Variants in NLRP4 observed in about 807,000 individuals in gnomAD.
NLRP4 encodes NACHT, LRR and PYD domains-containing protein 4.
Under a neutral mutation model 84.7 loss-of-function variants are expected in NLRP4, and 44 were observed. The observed-to-expected ratio is 0.52, with a 90% CI of 0.41 to 0.67. The LOEUF (loss-of-function observed/expected upper bound fraction) is 0.67. Ranked by LOEUF, NLRP4 falls within the 30% of genes least tolerant of loss-of-function variation. The pLI is 0.00. For missense variants in NLRP4, 1,260 were observed against 1,219.4 expected (o/e 1.03, Z -0.50); for synonymous variants, 544 against 476.4 (o/e 1.14, Z -1.85).
Position 55,850,768 on chromosome 19 carries a change from T to TGTGGTGTAATTC in NLRP4, c.-65-1248_-65-1247insGTGGTGTAATTC, listed in dbSNP as rs1568659308. 2.1e-4 allele frequency among the ~76,000 whole-genome samples: 8 copies of TGTGGTGTAATTC among 37,276 alleles called. 2 individuals are homozygous for TGTGGTGTAATTC. The highest frequency in any genetic ancestry group is 5.1e-4 in the African/African-American group (2 of 3,944). 24.5% of individuals were successfully genotyped at this position (37,276 alleles called of 152,430 possible). A position where few individuals can be genotyped will look rare whatever the true frequency, so the allele number is the denominator to read the frequency against. Reference sequence around the variant, plus strand: ...TACTTCCCGAGGCTGCGGTGTAATTTCCGAGGCTGCGGTGTAATTCCCGAG... The same window carrying TGTGGTGTAATTC: ...TACTTCCCGAGGCTGCGGTGTAATTTGTGGTGTAATTCCCGAGGCTGCGGTGTAATTCCCGAG... On this transcript the variant is annotated intron_variant, in intron 1 of 9. Transcript: ENST00000301295.
chr19:55,842,053 T>C (rs1453770426), intron 1 of NLRP4, among the ~76,000 whole-genome samples: 2 of 152,238 alleles, frequency 1.3e-5, no homozygotes, highest in African/African-American at 4.8e-5. Context: ...TTCCTACCAA[T>C]GGTGTGTAAG....
intron 2 of NLRP4, among the ~76,000 whole-genome samples, chr19:55,853,507 C>T (rs555434176): frequency 1.3e-5 from 2 of 152,318 alleles, no homozygotes; most frequent in East Asian, 3.9e-4. Context: ...TCTGCCACCT[C>T]AGCCTCCCAA....
chr19:55,859,986 C>CTT (rs774606132), intron 3 of NLRP4, among the ~76,000 whole-genome samples: 9,362 of 96,412 alleles, frequency 0.097, 528 homozygotes, highest in Non-Finnish European at 0.13. Context: ...TCTTCTTGTT[C>CTT]TTTTTTTTTT....
At chr19:55,838,085 G>A (rs1038426579) in intron 1 of NLRP4, among the ~76,000 whole-genome samples, 1 of 148,270 alleles carries the variant, frequency 6.7e-6, no homozygotes. Flanking sequence ...TTGGGAGGCC[G>A]AGGCGGGTGG....
chr19:55,866,501 T>A (rs905796613), intron 5 of NLRP4, among the ~76,000 whole-genome samples: 1 of 152,282 alleles, frequency 6.6e-6, no homozygotes, highest in African/African-American at 2.4e-5. Flanking sequence ...TCTGAGCTTA[T>A]TTTTTGTGGC....
At chr19:55,871,477 G>T (rs553799709) in intron 7 of NLRP4, among the ~76,000 whole-genome samples, 1 of 152,324 alleles carries the variant, frequency 6.6e-6, no homozygotes, top group East Asian at 1.9e-4. Flanking sequence ...AAAGGAGATG[G>T]TGAAAAGACT....
rs1984623758 is a variant in NLRP4, at chr19:55,859,320, G to T, written c.1856+71G>T. ...TATTCCCAAGTGGGTTTTGCTGAGG[G>T]AGTGTTTAATATAGGATCATGGTTA... On this transcript the variant is annotated intron_variant, in intron 3 of 9. Transcript: ENST00000301295. The T allele has an allele frequency of 6.3e-6, 8 of 1,265,502 alleles. No homozygotes were observed. In the Admixed American group the frequency reaches 8.6e-5, roughly 14 times the overall value. The allele number at this position is 1,265,502 out of a possible 1,614,324, so 78.4% of individuals were successfully genotyped here.
At chr19:55,870,312 A>C (rs1300613820) in intron 6 of NLRP4, among the ~76,000 whole-genome samples, 2 of 152,218 alleles carry the variant, frequency 1.3e-5, no homozygotes, top group Non-Finnish European at 2.9e-5. Context: ...ATTACACGAT[A>C]CTTTTTCCTT....
chr19:55,880,862 A>G (rs1985558925), intron 9 of NLRP4, among the ~76,000 whole-genome samples: 1 of 152,218 alleles, frequency 6.6e-6, no homozygotes, highest in South Asian at 2.1e-4. Context: ...CGGGACAATT[A>G]TGCTACCTCA....
chr19:55,865,572 A>G (rs559413043), intron 5 of NLRP4, among the ~76,000 whole-genome samples: 1 of 152,332 alleles, frequency 6.6e-6, no homozygotes, highest in South Asian at 2.1e-4. Context: ...ACTAATTTAC[A>G]TTCCTACAAA....
intron 5 of NLRP4, among the ~76,000 whole-genome samples, chr19:55,866,948 G>A (rs1416743707): frequency 1.3e-5 from 2 of 152,156 alleles, no homozygotes; most frequent in African/African-American, 4.8e-5. Context: ...AGTGAGATAA[G>A]TTACTGGGGG....
At chr19:55,866,041 T>C (rs377268495) in intron 5 of NLRP4, among the ~76,000 whole-genome samples, 32 of 152,224 alleles carry the variant, frequency 2.1e-4, no homozygotes, top group African/African-American at 7.0e-4. Flanking sequence ...TCTTTTTTTT[T>C]CCCCCAAATT....
chr19:55,859,935 A>AC (rs1568666162), intron 3 of NLRP4, among the ~76,000 whole-genome samples: 3 of 134,074 alleles, frequency 2.2e-5, no homozygotes, highest in African/African-American at 8.0e-5. Flanking sequence ...CCAAAAAAAA[A>AC]AAAAAAAAAA....
At chr19:55,851,734 A>ATG (rs1568660210) in intron 1 of NLRP4, among the ~76,000 whole-genome samples, 22 of 126,738 alleles carry the variant, frequency 1.7e-4, no homozygotes, top group African/African-American at 6.5e-4. Context: ...TAATTTCCGA[A>ATG]GCTGCGGTGT....
chr19:55,865,600 T>C (rs1984924644), intron 5 of NLRP4, among the ~76,000 whole-genome samples: 1 of 152,220 alleles, frequency 6.6e-6, no homozygotes, highest in African/African-American at 2.4e-5. Context: ...AAGTGTACAC[T>C]TTTCTCTGCA....
intron 1 of NLRP4, among the ~76,000 whole-genome samples, chr19:55,847,955 T>C (rs865973352): frequency 3.3e-5 from 5 of 152,114 alleles, no homozygotes; most frequent in Non-Finnish European, 5.9e-5. Flanking sequence ...GACCTCGTGA[T>C]CTGCCTGCCT....
At chr19:55,856,934 T>C (rs962126466) in intron 2 of NLRP4, among the ~76,000 whole-genome samples, 2 of 152,216 alleles carry the variant, frequency 1.3e-5, no homozygotes, top group Admixed American at 6.5e-5. Flanking sequence ...ATCTCCTCTC[T>C]CTTCTGGAGG....
rs182014117 is a variant in NLRP4, at chr19:55,853,005, G to C, written c.280+645G>C. 9.8e-5 allele frequency among the ~76,000 whole-genome samples: 15 copies of C among 152,308 alleles called. No homozygotes were observed. The East Asian group carries it at 2.9e-3, about 29-fold the overall frequency. On this transcript the variant is annotated intron_variant, in intron 2 of 9. Transcript: ENST00000301295. Reference sequence around the variant, plus strand: ...ATTTGCAAGAGCAATTAACACCTGCGGTAGAGGATACAGTGAACTGAGGTT... The same window carrying C: ...ATTTGCAAGAGCAATTAACACCTGCCGTAGAGGATACAGTGAACTGAGGTT...
chr19:55,838,084 C>T (rs575490930), intron 1 of NLRP4, among the ~76,000 whole-genome samples: 2 of 146,874 alleles, frequency 1.4e-5, no homozygotes, highest in South Asian at 4.3e-4. Flanking sequence ...TTTGGGAGGC[C>T]GAGGCGGGTG....
Sources: allele counts gnomAD v4.1 joint callset (sites outside exome capture counted in the v4.1 genomes callset), GRCh38; gene constraint gnomAD v4.1.1; transcripts MANE v1.5; gene names NCBI Gene and HGNC (gene_info 2026-07-23, HGNC 2026-07-21).